The following CBLB variants were observed in gnomAD, a reference collection of about 807,000 sequenced individuals.
CBLB encodes the protein Cbl proto-oncogene B.
In CBLB, 31 loss-of-function variants were observed where a neutral mutation model predicts 104.9. The ratio of observed to expected loss-of-function variants is 0.30; its 90% CI spans 0.22 to 0.40. The LOEUF (loss-of-function observed/expected upper bound fraction) is 0.40, where lower values mean the gene tolerates loss of function less well. Among genes scored for constraint, CBLB ranks in the 10% least tolerant of loss-of-function variants. CBLB has a pLI of 1.00. For missense variants in CBLB, 1,062 were observed against 1,214.6 expected (o/e 0.87, Z 1.87); for synonymous variants, 440 against 422.6 (o/e 1.04, Z -0.51).
At chr3:105,764,373 T>C (rs768965641) in intron 4 of CBLB, among the ~76,000 whole-genome samples, 1 of 152,216 alleles carries the variant, frequency 6.6e-6, no homozygotes, top group African/African-American at 2.4e-5. Context: ...GTCTAGCCAA[T>C]TGCTGTCATA....
intron 4 of CBLB, among the ~76,000 whole-genome samples, chr3:105,766,477 A>C (rs2078238294): frequency 6.6e-6 from 1 of 152,174 alleles, no homozygotes; most frequent in South Asian, 2.1e-4. Context: ...TGATGTAGTA[A>C]ACTTCACTGC....
At chr3:105,678,226 C>T (rs1559784218) in intron 17 of CBLB, among the ~76,000 whole-genome samples, 1 of 152,160 alleles carries the variant, frequency 6.6e-6, no homozygotes, top group Non-Finnish European at 1.5e-5. Flanking sequence ...TTCCTTATTG[C>T]TCTTTCCATC....
intron 17 of CBLB, among the ~76,000 whole-genome samples, chr3:105,674,937 G>C (rs2065437069): frequency 6.6e-6 from 1 of 152,142 alleles, no homozygotes; most frequent in Non-Finnish European, 1.5e-5. Flanking sequence ...TCCTACAACA[G>C]TACTGAGGCA....
At chr3:105,696,859 C>T (rs1367896951) in intron 12 of CBLB, among the ~76,000 whole-genome samples, 1 of 151,838 alleles carries the variant, frequency 6.6e-6, no homozygotes, top group South Asian at 2.1e-4. Flanking sequence ...ATAGGCTATC[C>T]AAAACTGACT....
intron 18 of CBLB, among the ~76,000 whole-genome samples, chr3:105,660,759 T>C (rs2063715117): frequency 6.6e-6 from 1 of 152,166 alleles, no homozygotes; most frequent in Non-Finnish European, 1.5e-5. Context: ...TTTTCAATAA[T>C]AATAAACGTA....
intron 3 of CBLB, among the ~76,000 whole-genome samples, chr3:105,807,950 T>C (rs1246946380): frequency 1.3e-5 from 2 of 152,228 alleles, no homozygotes; most frequent in South Asian, 4.1e-4. Context: ...GCTCAGTCAT[T>C]ACACTATCAT....
chr3:105,702,499 A>AAAAAAAAAAGTT, intron 11 of CBLB, 40 bp from the exon 12 acceptor site: 1 of 1,386,848 alleles, frequency 7.2e-7, no homozygotes, highest in Non-Finnish European at 9.6e-7. Context: ...AAAAAAAAAA[A>AAAAAAAAAAGTT]CTAAAGGTTG....
chr3:105,767,044 T>C (rs553135288), intron 4 of CBLB, among the ~76,000 whole-genome samples: 2 of 152,318 alleles, frequency 1.3e-5, no homozygotes, highest in Admixed American at 6.5e-5. Context: ...CCAATAGATA[T>C]GTAAGTTTTT....
intron 4 of CBLB, among the ~76,000 whole-genome samples, chr3:105,754,525 G>GAGAGAGAGAGAGAGAAAC (rs2076887337): frequency 5.0e-4 from 8 of 16,014 alleles, no homozygotes; most frequent in South Asian, 1.6e-3. Flanking sequence ...GAGAGAGACA[G>GAGAGAGAGAGAGAGAAAC]AGAGAGAGAG....
rs1306493475 is a variant in CBLB at position 105,853,560 on chromosome 3, T to G, written c.273A>C (p.Lys91Asn). 6.2e-7 allele frequency: 1 copy of G among 1,613,210 alleles called. No homozygotes were observed. The highest frequency in any genetic ancestry group is 8.5e-7 in the Non-Finnish European group (1 of 1,179,450). The change falls in exon 3 of 19, where the codon AAA becomes AAC. Residue 91 changes from lysine (K) to asparagine (N), a missense_variant. This residue lies in a region of CBLB where 457 missense variants were observed against 632.0 expected (regional missense o/e 0.72). Transcript: ENST00000394030. ...GGGCAAGTTTCTGGTTGTCATCATA[T>G]TTACTCAATATAAGTCGTAAATGCT... is the stretch of plus-strand genomic sequence containing the variant. The part of the protein sequence containing the change: ...TYQHLRLILS[K>N]YDDNQKLAQL...
chr3:105,743,544 A>G (rs1180566531), intron 6 of CBLB, among the ~76,000 whole-genome samples: 1 of 151,832 alleles, frequency 6.6e-6, no homozygotes, highest in Non-Finnish European at 1.5e-5. Context: ...TTAGGGTTCA[A>G]TGCCACTCTT....
At chr3:105,802,792 T>C (rs1399934653) in intron 3 of CBLB, among the ~76,000 whole-genome samples, 1 of 152,174 alleles carries the variant, frequency 6.6e-6, no homozygotes, top group Non-Finnish European at 1.5e-5. Context: ...ATAAAACATT[T>C]AGAAGACACT....
chr3:105,864,978 C>T (rs538861276), intron 2 of CBLB, among the ~76,000 whole-genome samples: 1 of 152,300 alleles, frequency 6.6e-6, no homozygotes, highest in Admixed American at 6.5e-5. Context: ...TAACTATACA[C>T]TTAACTCTGC....
rs545099150 is a variant in CBLB, at chr3:105,816,474, C to T, written c.419+36940G>A. On this transcript the variant is annotated intron_variant, in intron 3 of 18. Coordinates refer to ENST00000394030, the MANE Select transcript of CBLB (RefSeq NM_170662.5). ...TGCAATGTTAAGCTCCTGGGTATAC[C>T]TAAGGTTACAGGTACATTAACAGAA... 2.0e-5 allele frequency among the ~76,000 whole-genome samples: 3 copies of T among 152,182 alleles called. No individual in the cohort carries two copies. The East Asian group carries it at 5.8e-4, about 29-fold the overall frequency.
intron 7 of CBLB, among the ~76,000 whole-genome samples, chr3:105,740,080 C>T (rs1041892887): frequency 6.8e-6 from 1 of 147,976 alleles, no homozygotes; most frequent in Non-Finnish European, 1.5e-5. Context: ...TCCAGCCTGG[C>T]AACAGAGTTA....
chr3:105,679,787 A>G (rs952043216), intron 16 of CBLB, among the ~76,000 whole-genome samples: 1 of 150,848 alleles, frequency 6.6e-6, no homozygotes, highest in African/African-American at 2.4e-5. Context: ...AAAAAAAAAG[A>G]TATTACTATT....
chr3:105,863,270 C>T (rs1248740716), intron 2 of CBLB, among the ~76,000 whole-genome samples: 1 of 152,184 alleles, frequency 6.6e-6, no homozygotes, highest in Non-Finnish European at 1.5e-5. Context: ...TTTGGGATCA[C>T]TTCATTTATC....
At chr3:105,775,071 T>C (rs1009198733) in intron 4 of CBLB, among the ~76,000 whole-genome samples, 5 of 152,124 alleles carry the variant, frequency 3.3e-5, no homozygotes, top group Non-Finnish European at 7.4e-5. Flanking sequence ...TGTGTTATTC[T>C]AATTCAGATA....
At chr3:105,735,042 A>G (rs555632807) in intron 8 of CBLB, among the ~76,000 whole-genome samples, 2 of 152,374 alleles carry the variant, frequency 1.3e-5, no homozygotes, top group African/African-American at 2.4e-5. Flanking sequence ...TATGAAACCA[A>G]TATTTGGGTA....
Sources: gnomAD v4.1 joint callset for allele counts (sites outside exome capture counted in the v4.1 genomes callset) on GRCh38, gnomAD v4.1.1 for gene constraint, gnomAD v4.1.1 regional missense constraint, MANE v1.5 for transcripts, NCBI Gene and HGNC (gene_info 2026-07-23, HGNC 2026-07-21) for gene names.